Variants in CSMD1 observed in about 807,000 individuals in gnomAD.
CSMD1 encodes the protein CUB and Sushi multiple domains 1, also known as CUB and sushi domain-containing protein 1.
In CSMD1, 213 loss-of-function variants were observed where a neutral mutation model predicts 417.5. That is an observed-to-expected ratio of 0.51 (90% confidence interval 0.46 to 0.57). CSMD1 has a LOEUF of 0.57. Ranked by LOEUF, CSMD1 falls within the 20% of genes least tolerant of loss-of-function variation. CSMD1 has a pLI of 0.00. For synonymous variants in CSMD1, 2,862 were observed against 1,736.8 expected (o/e 1.65, Z -16.11); for missense variants, 6,923 against 4,529.7 (o/e 1.53, Z -15.17).
chr8:3,912,571 G>C (rs1808534148), intron 5 of CSMD1, among the ~76,000 whole-genome samples: 2 of 152,308 alleles, frequency 1.3e-5, no homozygotes, highest in South Asian at 4.1e-4. Context: ...TGGTTTTGGA[G>C]ATGAAAGTTG....
intron 5 of CSMD1, among the ~76,000 whole-genome samples, chr8:3,956,982 T>G (rs1284099018): frequency 6.6e-6 from 1 of 152,118 alleles, no homozygotes; most frequent in African/African-American, 2.4e-5. Context: ...CTGTTTTTCT[T>G]GTGGGCCCTA....
At chr8:4,294,690 G>A (rs570564624) in intron 3 of CSMD1, among the ~76,000 whole-genome samples, 2 of 152,106 alleles carry the variant, frequency 1.3e-5, no homozygotes, top group South Asian at 4.2e-4. Context: ...ATTCTAAGAT[G>A]ACCATCTATT....
At chr8:4,895,919 G>C (rs1412280431) in intron 1 of CSMD1, among the ~76,000 whole-genome samples, 1 of 151,910 alleles carries the variant, frequency 6.6e-6, no homozygotes, top group Non-Finnish European at 1.5e-5. Context: ...GTTCAGAATT[G>C]TTACCAATTA....
At chr8:3,642,879 G>C (rs1217623792) in intron 7 of CSMD1, among the ~76,000 whole-genome samples, 1 of 151,376 alleles carries the variant, frequency 6.6e-6, no homozygotes, top group Non-Finnish European at 1.5e-5. Flanking sequence ...CATATATATA[G>C]ATTATACATA....
chr8:4,220,083 G>A (rs1327613200), intron 3 of CSMD1, among the ~76,000 whole-genome samples: 2 of 152,144 alleles, frequency 1.3e-5, no homozygotes, highest in Non-Finnish European at 2.9e-5. Context: ...CCGAGTACCT[G>A]TGATTACAGG....
At chr8:4,208,082 C>G (rs187243357) in intron 3 of CSMD1, among the ~76,000 whole-genome samples, 8 of 152,204 alleles carry the variant, frequency 5.3e-5, no homozygotes, top group African/African-American at 9.6e-5. Context: ...TGTTTACTAT[C>G]TATTTAATGC....
At chr8:3,955,380 A>G (rs535327391) in intron 5 of CSMD1, among the ~76,000 whole-genome samples, 1 of 152,352 alleles carries the variant, frequency 6.6e-6, no homozygotes, top group East Asian at 1.9e-4. Context: ...ACTGGTTCAG[A>G]GATTTTCCAA....
chr8:4,486,036 A>T (rs1273514845), intron 2 of CSMD1, among the ~76,000 whole-genome samples: 4 of 151,028 alleles, frequency 2.6e-5, no homozygotes, highest in Admixed American at 2.6e-4. Context: ...AGCAATCCTG[A>T]CTTCATAAAG....
chr8:4,959,153 C>T (rs976522179), intron 1 of CSMD1, among the ~76,000 whole-genome samples: 2 of 152,272 alleles, frequency 1.3e-5, no homozygotes, highest in African/African-American at 4.8e-5. Context: ...AAAGAAATTG[C>T]ACATATCACT....
intron 3 of CSMD1, among the ~76,000 whole-genome samples, chr8:4,206,178 C>G (rs944868514): frequency 7.9e-5 from 12 of 152,030 alleles, no homozygotes; most frequent in Admixed American, 1.3e-4. Flanking sequence ...GAAATACATG[C>G]TGAAAAATGA....
intron 32 of CSMD1, among the ~76,000 whole-genome samples, chr8:3,200,542 G>A (rs1796938960): frequency 6.6e-6 from 1 of 151,394 alleles, no homozygotes; most frequent in Admixed American, 6.6e-5. Context: ...GCAAGAGAGT[G>A]AGTGAGACTT....
In CSMD1 at chr8:2,961,129, A is replaced by T; in HGVS notation, c.9702+12T>A. 1 of 1,512,470 alleles carries T rather than the reference A, an allele frequency of 6.6e-7. No homozygotes were observed. 93.7% of individuals were successfully genotyped at this position (1,512,470 alleles called of 1,614,324 possible). The stretch of plus-strand genomic sequence containing the variant: ...TCCAGAAAGAAAACATAGTAAATTC[A>T]TAATGAACTACCTCATAGCCTCTGG... On this transcript the variant is annotated intron_variant, in intron 62 of 69. Transcript: ENST00000635120.
In CSMD1 at chr8:4,919,004, A is replaced by G. The variant is rs575494497; in HGVS notation, c.85+75328T>C. Reference sequence around the variant, plus strand: ...TTGTTTGGGCACCTAAAATACATGTACCAAAAGATAAGCCACTTAGGTGCA... The same window carrying G: ...TTGTTTGGGCACCTAAAATACATGTGCCAAAAGATAAGCCACTTAGGTGCA... On this transcript the variant is annotated intron_variant, in intron 1 of 69. Transcript: ENST00000635120. Among the ~76,000 whole-genome samples the G allele has an allele frequency of 7.2e-5, 11 of 152,322 alleles. No homozygotes were observed. The East Asian group carries it at 1.7e-3, about 24-fold the overall frequency.
At chr8:3,141,320 C>T (rs1376258548) in intron 41 of CSMD1, among the ~76,000 whole-genome samples, 1 of 152,298 alleles carries the variant, frequency 6.6e-6, no homozygotes, top group South Asian at 2.1e-4. Context: ...CCAACTCCAT[C>T]TTGCTTCTAA....
chr8:3,677,678 T>G lies in CSMD1; in HGVS notation c.1009+30736A>C, dbSNP rs372162230. ...AAAGATATCTATCCTTTAGGGCTCT[T>G]TGGCCAGAGCTGGGTAAATTCCCCT... On this transcript the variant is annotated intron_variant, in intron 7 of 69. Coordinates refer to ENST00000635120, the MANE Select transcript of CSMD1 (RefSeq NM_033225.6). 1.1e-4 allele frequency among the ~76,000 whole-genome samples: 16 copies of G among 152,308 alleles called. No individual in the cohort carries two copies. The East Asian group carries it at 2.5e-3, about 24-fold the overall frequency.
intron 1 of CSMD1, among the ~76,000 whole-genome samples, chr8:4,869,694 A>G (rs934438288): frequency 2.8e-4 from 42 of 152,172 alleles, no homozygotes; most frequent in African/African-American, 9.9e-4. Context: ...TCTGATTATT[A>G]ATCTTGAAAA....
intron 3 of CSMD1, among the ~76,000 whole-genome samples, chr8:4,080,499 C>A (rs918737451): frequency 6.6e-6 from 1 of 152,196 alleles, no homozygotes; most frequent in Non-Finnish European, 1.5e-5. Context: ...AAATTTCTTA[C>A]TTGCAAAAGA....
At chr8:4,920,876 GAAAA>G (rs1563768556) in intron 1 of CSMD1, among the ~76,000 whole-genome samples, 1,346 of 19,940 alleles carry the variant, frequency 0.068, 135 homozygotes, top group African/African-American at 0.12. Context: ...GAAAAGAAAA[GAAAA>G]GAAAAGAAAA....
At chr8:3,694,677 G>A (rs531320843) in intron 7 of CSMD1, among the ~76,000 whole-genome samples, 2 of 152,056 alleles carry the variant, frequency 1.3e-5, no homozygotes, top group East Asian at 3.9e-4. Context: ...GTGCTCCACT[G>A]AACTGCTGTG....
Sources: gnomAD v4.1 joint callset for allele counts (sites outside exome capture counted in the v4.1 genomes callset) on GRCh38, gnomAD v4.1.1 for gene constraint, MANE v1.5 for transcripts, NCBI Gene and HGNC (gene_info 2026-07-23, HGNC 2026-07-21) for gene names.